DENND1A: variants seen among roughly 807,000 people sequenced by gnomAD.
DENND1A encodes DENN domain-containing protein 1A.
A neutral mutation model predicts 113.7 loss-of-function variants in DENND1A; 51 were observed. The ratio of observed to expected loss-of-function variants is 0.45; its 90% confidence interval spans 0.36 to 0.57. The LOEUF (loss-of-function observed/expected upper bound fraction) is 0.57. Ranked by LOEUF, DENND1A falls within the 20% of genes least tolerant of loss-of-function variation. DENND1A has a pLI of 0.00. For synonymous variants in DENND1A, 565 were observed against 570.8 expected (o/e 0.99, Z 0.14); for missense variants, 1,258 against 1,395.9 (o/e 0.90, Z 1.57).
At chr9:123,801,536 T>C (rs1205918736) in intron 2 of DENND1A, among the ~76,000 whole-genome samples, 1 of 152,246 alleles carries the variant, frequency 6.6e-6, no homozygotes, top group Non-Finnish European at 1.5e-5. Context: ...AATGGACATA[T>C]GGGTTATTTC....
intron 10 of DENND1A, among the ~76,000 whole-genome samples, chr9:123,625,527 T>C (rs1339870677): frequency 6.6e-6 from 1 of 152,212 alleles, no homozygotes; most frequent in Admixed American, 6.5e-5. Flanking sequence ...GTGGATCACC[T>C]GAAGTCAGGA....
chr9:123,434,760 G>A (rs2046391013), intron 19 of DENND1A, among the ~76,000 whole-genome samples: 1 of 152,206 alleles, frequency 6.6e-6, no homozygotes, highest in African/African-American at 2.4e-5. Flanking sequence ...CAAGGAGGAA[G>A]ATGGAGTCTT....
chr9:123,578,504 C>G (rs774689997), intron 12 of DENND1A, among the ~76,000 whole-genome samples: 5 of 152,200 alleles, frequency 3.3e-5, no homozygotes, highest in Non-Finnish European at 7.3e-5. Context: ...CTCAGACTCC[C>G]AAAATGCTGG....
intron 5 of DENND1A, among the ~76,000 whole-genome samples, chr9:123,730,349 A>T (rs2068066690): frequency 1.3e-5 from 2 of 152,224 alleles, no homozygotes; most frequent in Admixed American, 1.3e-4. Context: ...AAATTTTTGC[A>T]ATCTATCCAT....
chr9:123,579,616 G>A (rs995323278), intron 12 of DENND1A, among the ~76,000 whole-genome samples: 6 of 152,114 alleles, frequency 3.9e-5, no homozygotes, highest in African/African-American at 1.4e-4. Context: ...GGATGAGGAA[G>A]AGGATGTGGA....
At chr9:123,680,764 A>G (rs1302549600) in intron 5 of DENND1A, among the ~76,000 whole-genome samples, 2 of 152,262 alleles carry the variant, frequency 1.3e-5, no homozygotes, top group South Asian at 2.1e-4. Context: ...ACAGAAAACC[A>G]TTAAAAAATT....
At chr9:123,529,615 G>C (rs1339101600) in intron 13 of DENND1A, among the ~76,000 whole-genome samples, 1 of 152,034 alleles carries the variant, frequency 6.6e-6, no homozygotes, top group South Asian at 2.1e-4. Flanking sequence ...AGATAAAAAG[G>C]AACTAAAGTT....
At chr9:123,757,381 G>T (rs1224290377) in intron 5 of DENND1A, among the ~76,000 whole-genome samples, 2 of 152,178 alleles carry the variant, frequency 1.3e-5, no homozygotes, top group African/African-American at 4.8e-5. Context: ...CCAAGAGAAA[G>T]TCTAACAGGC....
chr9:123,823,414 G>A (rs895989348), intron 2 of DENND1A, among the ~76,000 whole-genome samples: 1 of 152,152 alleles, frequency 6.6e-6, no homozygotes, highest in Non-Finnish European at 1.5e-5. Context: ...AAAGAAGAAA[G>A]AACAGAAGCC....
At chr9:123,761,291 C>T (rs374630733) in intron 4 of DENND1A, among the ~76,000 whole-genome samples, 36 of 152,286 alleles carry the variant, frequency 2.4e-4, no homozygotes, top group African/African-American at 7.9e-4. Context: ...AACAATGAGA[C>T]ACTACCATCC....
At chr9:123,731,753 T>C (rs1376830883) in intron 5 of DENND1A, among the ~76,000 whole-genome samples, 1 of 152,234 alleles carries the variant, frequency 6.6e-6, no homozygotes, top group Non-Finnish European at 1.5e-5. Flanking sequence ...TCATTTGTTC[T>C]GTAGAAAATC....
intron 4 of DENND1A, among the ~76,000 whole-genome samples, chr9:123,758,667 TAAAG>T (rs2070778248): frequency 1.3e-5 from 2 of 152,186 alleles, no homozygotes; most frequent in African/African-American, 4.8e-5. Context: ...AACAACATTT[TAAAG>T]AAAGACGTTA....
At chr9:123,582,154 C>G in intron 12 of DENND1A, among the ~76,000 whole-genome samples, 1 of 152,072 alleles carries the variant, frequency 6.6e-6, no homozygotes, top group East Asian at 1.9e-4. Context: ...TCTAGATGGT[C>G]TAGGAAAAAA....
At chr9:123,563,007 C>T (rs949708164) in intron 12 of DENND1A, among the ~76,000 whole-genome samples, 1 of 152,264 alleles carries the variant, frequency 6.6e-6, no homozygotes, top group South Asian at 2.1e-4. Context: ...GTGGCTGAGC[C>T]TCTCTGCTTG....
At chr9:123,672,613 G>GA (rs1289017817) in intron 6 of DENND1A, among the ~76,000 whole-genome samples, 1 of 152,144 alleles carries the variant, frequency 6.6e-6, no homozygotes, top group Non-Finnish European at 1.5e-5. Context: ...CTTTAAGAGT[G>GA]AGTACATCAT....
intron 2 of DENND1A, among the ~76,000 whole-genome samples, chr9:123,800,632 C>T (rs1834484803): frequency 6.6e-6 from 1 of 152,136 alleles, no homozygotes; most frequent in African/African-American, 2.4e-5. Flanking sequence ...CAAATAACTA[C>T]AACATGTTTT....
chr9:123,817,435 A>G (rs1009796424), intron 2 of DENND1A, among the ~76,000 whole-genome samples: 3 of 152,244 alleles, frequency 2.0e-5, no homozygotes, highest in African/African-American at 7.2e-5. Flanking sequence ...CGTGCAAGGT[A>G]TAACTGTAAG....
chr9:123,669,193 T>C lies in DENND1A; in HGVS notation c.453+2098A>G, dbSNP rs539350617. ...GAAATATACTCTTGCAGAGAGTGAC[T>C]AGAGACAAAAAGTCCAGGATTACCA... On this transcript the variant is annotated intron_variant, in intron 7 of 23. Transcript: ENST00000394215. Among the ~76,000 whole-genome samples, 12 of 152,214 alleles carry C rather than the reference T, an allele frequency of 7.9e-5. No individual in the cohort carries two copies. The South Asian group carries it at 2.5e-3, about 32-fold the overall frequency.
chr9:123,766,797 A>T (rs770574074), intron 4 of DENND1A, among the ~76,000 whole-genome samples: 5 of 152,190 alleles, frequency 3.3e-5, no homozygotes, highest in Non-Finnish European at 7.3e-5. Context: ...TGGCTTTATT[A>T]TTTTTCCTAA....
Sources: gnomAD v4.1 joint callset for allele counts (sites outside exome capture counted in the v4.1 genomes callset) on GRCh38, gnomAD v4.1.1 for gene constraint, MANE v1.5 for transcripts, NCBI Gene and HGNC (gene_info 2026-07-23, HGNC 2026-07-21) for gene names.